PDILT: variants seen among roughly 807,000 people sequenced by gnomAD.
PDILT encodes the protein protein disulfide isomerase like, testis expressed.
PDILT carries 43 observed loss-of-function variants against 53.7 expected under a neutral mutation model. The observed-to-expected ratio is 0.80, with a 90% CI of 0.63 to 1.03. The LOEUF is 1.03. PDILT is among the 50% of genes least tolerant of loss of function. The pLI is 0.00. For missense variants in PDILT, 727 were observed against 712.3 expected (o/e 1.02, Z -0.24); for synonymous variants, 282 against 274.2 (o/e 1.03, Z -0.28).
chr16:20,392,077 A>G (rs1367807518), intron 2 of PDILT, among the ~76,000 whole-genome samples: 1 of 152,108 alleles, frequency 6.6e-6, no homozygotes, highest in Non-Finnish European at 1.5e-5. Context: ...GCAGTGGTTC[A>G]GGTGAGGAAT....
chr16:20,393,617 TTCC>T (rs1966630480), intron 2 of PDILT, among the ~76,000 whole-genome samples: 1 of 152,120 alleles, frequency 6.6e-6, no homozygotes, highest in Admixed American at 6.5e-5. Flanking sequence ...ATCCCCAAAT[TTCC>T]TCATTTAAGT....
At chr16:20,367,102 T>TCTTC (rs1186691337) in intron 8 of PDILT, among the ~76,000 whole-genome samples, 7 of 113,754 alleles carry the variant, frequency 6.2e-5, no homozygotes, top group Middle Eastern at 9.3e-3. Flanking sequence ...TTTCTTTCTT[T>TCTTC]CTTCCTTTCT....
chr16:20,363,127 G>GA (rs904982623), intron 9 of PDILT, among the ~76,000 whole-genome samples: 1 of 136,422 alleles, frequency 7.3e-6, no homozygotes, highest in African/African-American at 2.7e-5. Context: ...AAAACAAAAA[G>GA]AAAAAAATAG....
At chr16:20,361,241 A>G (rs1250661405) in intron 10 of PDILT, among the ~76,000 whole-genome samples, 6 of 134,176 alleles carry the variant, frequency 4.5e-5, no homozygotes, top group African/African-American at 5.9e-5. Context: ...CCTGGAGTGC[A>G]GTGGCGTGAT....
At chr16:20,403,951 C>A (rs1173611342) in intron 1 of PDILT, among the ~76,000 whole-genome samples, 2 of 152,078 alleles carry the variant, frequency 1.3e-5, no homozygotes, top group African/African-American at 2.4e-5. Context: ...AGGGTCTTCC[C>A]GGGCCACTCT....
At chr16:20,377,731 G>C (rs934751120) in intron 3 of PDILT, among the ~76,000 whole-genome samples, 1 of 152,068 alleles carries the variant, frequency 6.6e-6, no homozygotes, top group Non-Finnish European at 1.5e-5. Flanking sequence ...GAGGAGGGCG[G>C]ATCACAAGGT....
At chr16:20,368,824 T>A (rs1966257968) in intron 8 of PDILT, among the ~76,000 whole-genome samples, 1 of 152,060 alleles carries the variant, frequency 6.6e-6, no homozygotes, top group African/African-American at 2.4e-5. Flanking sequence ...GCTCAAGTGA[T>A]CCTCTCACCT....
At chr16:20,383,461 T>C (rs1966488838) in intron 3 of PDILT, among the ~76,000 whole-genome samples, 1 of 135,978 alleles carries the variant, frequency 7.4e-6, no homozygotes. Flanking sequence ...CCATCTCTTC[T>C]CTGGCGCCCG....
At chr16:20,393,781 T>C (rs956839700) in intron 2 of PDILT, among the ~76,000 whole-genome samples, 9 of 152,162 alleles carry the variant, frequency 5.9e-5, no homozygotes, top group Admixed American at 3.9e-4. Flanking sequence ...GATAGGAATA[T>C]GGCAAATTGA....
intron 3 of PDILT, among the ~76,000 whole-genome samples, chr16:20,378,515 C>T (rs1966417761): frequency 6.6e-6 from 1 of 152,064 alleles, no homozygotes; most frequent in African/African-American, 2.4e-5. Context: ...CATAGGTATA[C>T]ATGTGCCACG....
intron 3 of PDILT, among the ~76,000 whole-genome samples, chr16:20,379,299 G>T (rs78539098): frequency 1.5e-4 from 23 of 152,078 alleles, no homozygotes; most frequent in African/African-American, 5.3e-4. Flanking sequence ...TCAGCCTCCC[G>T]AATAGCTGGG....
At chr16:20,401,971 C>T (rs2141626611) in intron 1 of PDILT, among the ~76,000 whole-genome samples, 1 of 152,346 alleles carries the variant, frequency 6.6e-6, no homozygotes, top group South Asian at 2.1e-4. Flanking sequence ...GAGATCAAGC[C>T]CCACTGGCTA....
rs1458447225 is a variant in PDILT, at chr16:20,384,922, T to G, written c.203-71A>C. ...CCATCTCCAACAGTAGATTATTTGT[T>G]GGGCCTGCTTAGCTCCCGGAACCTT... On this transcript the variant is annotated intron_variant, in intron 2 of 11. Coordinates refer to ENST00000302451, the MANE Select transcript of PDILT (RefSeq NM_174924.2). 2.7e-6 allele frequency: 4 copies of G among 1,478,852 alleles called. No homozygotes were observed. The East Asian group carries it at 9.1e-5, about 34-fold the overall frequency. 91.6% of individuals were successfully genotyped at this position (1,478,852 alleles called of 1,614,324 possible).
chr16:20,375,955 T>C (rs879163923), intron 4 of PDILT, 113 bp downstream of exon 4: 105 of 1,352,028 alleles, frequency 7.8e-5, no homozygotes, highest in South Asian at 2.7e-4. Flanking sequence ...AACCAGATCA[T>C]TGGATGGAGA....
At chr16:20,376,954 T>C (rs187163108) in intron 3 of PDILT, among the ~76,000 whole-genome samples, 3 of 152,352 alleles carry the variant, frequency 2.0e-5, no homozygotes, top group East Asian at 3.9e-4. Context: ...ATATTATATA[T>C]TTGTATCTGC....
At chr16:20,379,628 A>G (rs1966434203) in intron 3 of PDILT, among the ~76,000 whole-genome samples, 1 of 152,170 alleles carries the variant, frequency 6.6e-6, no homozygotes, top group Non-Finnish European at 1.5e-5. Flanking sequence ...GCTATTCTGA[A>G]TGAATTCTTG....
intron 3 of PDILT, among the ~76,000 whole-genome samples, chr16:20,382,209 T>C (rs1966470151): frequency 6.6e-6 from 1 of 152,230 alleles, no homozygotes; most frequent in Admixed American, 6.5e-5. Flanking sequence ...AAAAACTATT[T>C]GTTAAGAACT....
chr16:20,360,388 A>T (rs1966081344), intron 11 of PDILT, among the ~76,000 whole-genome samples, 180 bp downstream of exon 11: 1 of 152,186 alleles, frequency 6.6e-6, no homozygotes, highest in Admixed American at 6.5e-5. Flanking sequence ...TCTGCTTCCC[A>T]TAGTAAGTGC....
At chr16:20,380,636 G>A (rs74423062) in intron 3 of PDILT, among the ~76,000 whole-genome samples, 134 of 152,124 alleles carry the variant, frequency 8.8e-4, no homozygotes, top group African/African-American at 2.9e-3. Context: ...GTGCCCAGCC[G>A]AGCTACCCTA....
Sources: gnomAD v4.1 joint callset for allele counts (sites outside exome capture counted in the v4.1 genomes callset) on GRCh38, gnomAD v4.1.1 for gene constraint, MANE v1.5 for transcripts, NCBI Gene and HGNC (gene_info 2026-07-23, HGNC 2026-07-21) for gene names.